FAF1: variants seen among roughly 807,000 people sequenced by gnomAD.
FAF1 encodes the protein Fas associated factor 1.
Under a neutral mutation model 92.5 loss-of-function variants are expected in FAF1, and 25 were observed. The observed-to-expected ratio is 0.27, with a 90% CI of 0.20 to 0.38. The LOEUF is 0.38. FAF1 is among the 10% of genes least tolerant of loss of function. The pLI is 1.00. For synonymous variants in FAF1, 234 were observed against 273.2 expected (o/e 0.86, Z 1.42); for missense variants, 636 against 793.3 (o/e 0.80, Z 2.38).
In FAF1 at chr1:50,729,028, ATC is replaced by A. The variant is rs1489245072; in HGVS notation, c.551+9833_551+9834del. On this transcript the variant is annotated intron_variant, in intron 6 of 18. Coordinates refer to ENST00000396153, the MANE Select transcript of FAF1 (RefSeq NM_007051.3). ...TATCTATCTATCTATCTATCTATCT[ATC>A]TATCTATATATATATATATATATAT... Among the ~76,000 whole-genome samples, 471 of 75,552 alleles carry A rather than the reference ATC, an allele frequency of 6.2e-3. 2 individuals carry two copies. The highest frequency in any genetic ancestry group is 0.028 in the South Asian group (56 of 1,996). The allele number at this position is 75,552 out of a possible 152,430, so 49.6% of individuals were successfully genotyped here.
At chr1:50,712,530 C>A (rs150135599) in intron 6 of FAF1, among the ~76,000 whole-genome samples, 2,748 of 152,194 alleles carry the variant, frequency 0.018, 49 homozygotes, top group South Asian at 0.026. Flanking sequence ...GTGGCACACG[C>A]CTCTAATCCC....
chr1:50,632,252 T>C (rs144812012), intron 8 of FAF1, among the ~76,000 whole-genome samples: 4 of 152,234 alleles, frequency 2.6e-5, no homozygotes, highest in Non-Finnish European at 5.9e-5. Context: ...TTTCTTAGTC[T>C]GAATTACAAA....
chr1:50,547,705 C>T (rs555382173), intron 13 of FAF1, among the ~76,000 whole-genome samples: 52 of 152,214 alleles, frequency 3.4e-4, no homozygotes, highest in East Asian at 1.5e-3. Context: ...TGAGCCACCG[C>T]GCCCGGCAAA....
intron 1 of FAF1, among the ~76,000 whole-genome samples, chr1:50,919,085 T>C (rs905827110): frequency 2.2e-4 from 34 of 152,236 alleles, no homozygotes; most frequent in Non-Finnish European, 3.4e-4. Flanking sequence ...GAATGTTATT[T>C]CCTTAATAAT....
chr1:50,631,503 G>T (rs1354817876), intron 8 of FAF1, among the ~76,000 whole-genome samples: 1 of 151,972 alleles, frequency 6.6e-6, no homozygotes, highest in Non-Finnish European at 1.5e-5. Context: ...CTTAATAATG[G>T]CCCCAAAGCT....
At chr1:50,533,246 A>AT (rs1008598113) in intron 15 of FAF1, among the ~76,000 whole-genome samples, 3 of 151,082 alleles carry the variant, frequency 2.0e-5, no homozygotes, top group African/African-American at 7.3e-5. Context: ...TAATTTTTGT[A>AT]TTTTTTATAG....
At chr1:50,573,145 G>A (rs111777270) in intron 12 of FAF1, among the ~76,000 whole-genome samples, 1,882 of 146,804 alleles carry the variant, frequency 0.013, 42 homozygotes, top group African/African-American at 0.044. Context: ...TTGCTCTGTT[G>A]CCCAGGCTGA....
intron 3 of FAF1, among the ~76,000 whole-genome samples, chr1:50,794,700 T>C (rs191882383): frequency 2.6e-5 from 4 of 152,252 alleles, no homozygotes; most frequent in Admixed American, 2.0e-4. Flanking sequence ...CTTGCCTCAC[T>C]GCAACCTCTG....
intron 1 of FAF1, among the ~76,000 whole-genome samples, chr1:50,942,516 T>C (rs1458605372): frequency 6.6e-6 from 1 of 152,128 alleles, no homozygotes; most frequent in East Asian, 1.9e-4. Context: ...AAATGTTAGT[T>C]GTAGTTATTA....
chr1:50,913,166 G>T (rs1424423467), intron 1 of FAF1, among the ~76,000 whole-genome samples: 2 of 152,206 alleles, frequency 1.3e-5, no homozygotes, highest in Non-Finnish European at 2.9e-5. Context: ...TGGCATGAGT[G>T]CAGGGATTAT....
At chr1:50,707,453 C>T (rs1340255939) in intron 6 of FAF1, among the ~76,000 whole-genome samples, 3 of 152,146 alleles carry the variant, frequency 2.0e-5, no homozygotes, top group Non-Finnish European at 4.4e-5. Context: ...AATCCCAGCA[C>T]TTTGGGAGGC....
chr1:50,733,618 C>CCT (rs149124806), intron 6 of FAF1, among the ~76,000 whole-genome samples: 15 of 151,786 alleles, frequency 9.9e-5, no homozygotes, highest in African/African-American at 3.4e-4. Context: ...CTCTCTCTCT[C>CCT]CTCTCTCTCT....
intron 13 of FAF1, among the ~76,000 whole-genome samples, chr1:50,546,675 T>C (rs963267935): frequency 6.6e-6 from 1 of 152,164 alleles, no homozygotes; most frequent in African/African-American, 2.4e-5. Context: ...TTAATTTGTT[T>C]ATATACAAAA....
rs1646149181 is a variant in FAF1, at chr1:50,439,262, G to A, written c.*2178C>T. ...TTTAATGCTCTGCTTGTATGAAAAG[G>A]ATAAAATTGCTTTGGCCTTTTGTCT... On this transcript the variant is annotated 3_prime_UTR_variant, in exon 19 of 19. Transcript: ENST00000396153. 1.3e-5 allele frequency: 2 copies of A among 152,218 alleles called. No homozygotes were observed. The highest frequency in any genetic ancestry group is 2.1e-4 in the South Asian group (1 of 4,830). 9.4% of individuals were successfully genotyped at this position (152,218 alleles called of 1,614,324 possible).
chr1:50,772,327 C>T (rs189722285), intron 4 of FAF1, among the ~76,000 whole-genome samples: 1 of 152,284 alleles, frequency 6.6e-6, no homozygotes, highest in African/African-American at 2.4e-5. Flanking sequence ...TACCGTCCTA[C>T]CCCACAATCC....
chr1:50,452,919 C>CT (rs768523023), intron 18 of FAF1, among the ~76,000 whole-genome samples: 1 of 152,236 alleles, frequency 6.6e-6, no homozygotes, highest in Non-Finnish European at 1.5e-5. Flanking sequence ...CACATGGTCT[C>CT]TTAATAGACC....
At chr1:50,601,279 C>T (rs1205957721) in intron 8 of FAF1, among the ~76,000 whole-genome samples, 1 of 152,196 alleles carries the variant, frequency 6.6e-6, no homozygotes, top group African/African-American at 2.4e-5. Flanking sequence ...TGACTGATCT[C>T]TGGCTATGTC....
intron 1 of FAF1, among the ~76,000 whole-genome samples, chr1:50,936,516 C>A (rs1645086410): frequency 6.6e-6 from 1 of 152,116 alleles, no homozygotes; most frequent in African/African-American, 2.4e-5. Context: ...AAGAAAATTA[C>A]AAGCATCAAA....
At chr1:50,603,880 G>T (rs1287406155) in intron 8 of FAF1, among the ~76,000 whole-genome samples, 1 of 152,124 alleles carries the variant, frequency 6.6e-6, no homozygotes, top group Non-Finnish European at 1.5e-5. Flanking sequence ...ACATGTGCAG[G>T]TCAAGATCAA....
Sources: gnomAD v4.1 joint callset for allele counts (sites outside exome capture counted in the v4.1 genomes callset) on GRCh38, gnomAD v4.1.1 for gene constraint, MANE v1.5 for transcripts, NCBI Gene and HGNC (gene_info 2026-07-23, HGNC 2026-07-21) for gene names.